Variants in COL11A1 observed in about 807,000 individuals in gnomAD.
COL11A1 encodes the protein collagen alpha-1(XI) chain.
A neutral mutation model predicts 265.2 loss-of-function variants in COL11A1; 74 were observed. That is an observed-to-expected ratio of 0.28 (90% CI 0.23 to 0.34). The LOEUF (loss-of-function observed/expected upper bound fraction) is 0.34. COL11A1 is among the 10% of genes least tolerant of loss of function. The pLI, the probability that COL11A1 is intolerant of heterozygous loss-of-function variation, is 1.00. For synonymous variants in COL11A1, 816 were observed against 727.6 expected (o/e 1.12, Z -1.96); for missense variants, 2,165 against 2,263.6 (o/e 0.96, Z 0.88).
chr1:103,061,881 A>G (rs1284499137), intron 4 of COL11A1, among the ~76,000 whole-genome samples: 5 of 152,000 alleles, frequency 3.3e-5, no homozygotes, highest in Non-Finnish European at 1.5e-5. Flanking sequence ...AAGTCACCAT[A>G]GAATTAGCAT....
chr1:102,939,361 G>A (rs575529898), intron 43 of COL11A1, among the ~76,000 whole-genome samples: 6 of 152,122 alleles, frequency 3.9e-5, no homozygotes, highest in Admixed American at 3.9e-4. Context: ...GTATAAACTG[G>A]TAACGGAAAT....
intron 42 of COL11A1, among the ~76,000 whole-genome samples, chr1:102,942,493 G>A (rs1032519722): frequency 6.6e-6 from 1 of 152,012 alleles, no homozygotes; most frequent in Admixed American, 6.6e-5. Context: ...CCCACAATCT[G>A]CACAACTACT....
chr1:103,050,881 G>T (rs542918133), intron 4 of COL11A1, among the ~76,000 whole-genome samples: 1 of 152,296 alleles, frequency 6.6e-6, no homozygotes, highest in Admixed American at 6.5e-5. Flanking sequence ...GACACTGTTT[G>T]CCTGGGTATC....
intron 31 of COL11A1, among the ~76,000 whole-genome samples, chr1:102,983,110 A>G (rs969833966): frequency 6.6e-6 from 1 of 152,114 alleles, no homozygotes; most frequent in Non-Finnish European, 1.5e-5. Flanking sequence ...TACTGAATGC[A>G]TCAAGTGCAT....
intron 22 of COL11A1, 74 bp downstream of exon 22, chr1:103,002,673 G>T: frequency 7.5e-7 from 1 of 1,328,178 alleles, no homozygotes. Context: ...TTATATTTTA[G>T]ATTTAACAAC....
At chr1:102,936,073 C>T (rs1658108223) in intron 44 of COL11A1, among the ~76,000 whole-genome samples, 1 of 152,048 alleles carries the variant, frequency 6.6e-6, no homozygotes, top group African/African-American at 2.4e-5. Context: ...ACAAAAATGG[C>T]TGTTCCATCT....
chr1:103,008,517 CT>C lies in COL11A1; in HGVS notation c.1630-2del, dbSNP rs1057517989. ...TGGCCCCAGATGAACCAGGCCCCCCCTATAGAGAAAAAGTGAAGATATTTCA... is the reference window on the plus strand; with the variant it reads ...TGGCCCCAGATGAACCAGGCCCCCCCATAGAGAAAAAGTGAAGATATTTCA... On this transcript the variant is annotated splice_acceptor_variant, in intron 14 of 66. Transcript: ENST00000370096. LOFTEE classifies it high-confidence loss of function. 1 of 1,613,576 alleles carries C rather than the reference CT, an allele frequency of 6.2e-7. No homozygotes were observed. Among genetic ancestry groups the C allele is most frequent in the Non-Finnish European group, 8.5e-7 (1 of 1,179,646 alleles).
At chr1:102,885,441 C>A (rs1459835794) in intron 63 of COL11A1, among the ~76,000 whole-genome samples, 1 of 152,054 alleles carries the variant, frequency 6.6e-6, no homozygotes, top group African/African-American at 2.4e-5. Context: ...AATTGCTTAT[C>A]TTGGTGCTGG....
At chr1:103,088,859 C>A (rs1673084136) in intron 1 of COL11A1, among the ~76,000 whole-genome samples, 1 of 152,152 alleles carries the variant, frequency 6.6e-6, no homozygotes, top group South Asian at 2.1e-4. Context: ...ATTTAGCTCT[C>A]CAGATTATCC....
chr1:102,968,933 G>A (rs1661694047), intron 37 of COL11A1, among the ~76,000 whole-genome samples: 1 of 152,108 alleles, frequency 6.6e-6, no homozygotes, highest in South Asian at 2.1e-4. Context: ...TTCCCCACAA[G>A]ACATTTTGGA....
At chr1:103,044,935 G>A (rs1211705723) in intron 4 of COL11A1, among the ~76,000 whole-genome samples, 1 of 152,062 alleles carries the variant, frequency 6.6e-6, no homozygotes, top group Non-Finnish European at 1.5e-5. Context: ...CTATTATAAA[G>A]TGCAATCATG....
chr1:103,015,833 C>T (rs1308721656), intron 11 of COL11A1, 91 bp from the exon 12 acceptor site: 4 of 981,128 alleles, frequency 4.1e-6, no homozygotes, highest in Non-Finnish European at 6.1e-6. Context: ...TCTACTTTAT[C>T]TAATTTGCAT....
chr1:103,098,070 TA>T (rs1161359372), intron 1 of COL11A1, among the ~76,000 whole-genome samples: 4 of 151,830 alleles, frequency 2.6e-5, no homozygotes, highest in East Asian at 3.9e-4. Context: ...CCAAGGCTGT[TA>T]AAAAAAAGAT....
chr1:102,994,771 T>C (rs1370392362), intron 28 of COL11A1, among the ~76,000 whole-genome samples: 4 of 152,104 alleles, frequency 2.6e-5, no homozygotes, highest in South Asian at 2.1e-4. Flanking sequence ...ATTCTGAGTG[T>C]ATTAGTCCGC....
chr1:103,014,432 G>C (rs1240696849), intron 13 of COL11A1, 79 bp downstream of exon 13: 1 of 1,122,146 alleles, frequency 8.9e-7, no homozygotes, highest in African/African-American at 1.5e-5. Flanking sequence ...AATAATGGTA[G>C]CATCTTCCGT....
intron 24 of COL11A1, among the ~76,000 whole-genome samples, chr1:102,998,834 T>C (rs770039892): frequency 2.0e-5 from 3 of 151,976 alleles, no homozygotes; most frequent in Non-Finnish European, 2.9e-5. Flanking sequence ...ATGATAGTTA[T>C]TCATAGGAAA....
At chr1:102,967,433 G>T (rs889131545) in intron 37 of COL11A1, among the ~76,000 whole-genome samples, 2 of 151,312 alleles carry the variant, frequency 1.3e-5, no homozygotes, top group Non-Finnish European at 2.9e-5. Context: ...GTAGAGACGG[G>T]GTTTCACCGT....
At chr1:102,945,701 AAGAG>A (rs1330178869) in intron 42 of COL11A1, among the ~76,000 whole-genome samples, 4 of 152,164 alleles carry the variant, frequency 2.6e-5, no homozygotes, top group Admixed American at 6.6e-5. Context: ...ATCTTGTAGG[AAGAG>A]AGAATCATTT....
At chr1:103,020,795 G>T (rs1666984493) in intron 9 of COL11A1, among the ~76,000 whole-genome samples, 2 of 132,066 alleles carry the variant, frequency 1.5e-5, no homozygotes, top group South Asian at 2.6e-4. Flanking sequence ...TCCAGTTTCA[G>T]CTTTCTATAT....
Sources: allele counts gnomAD v4.1 joint callset (sites outside exome capture counted in the v4.1 genomes callset), GRCh38; gene constraint gnomAD v4.1.1; transcripts MANE v1.5; gene names NCBI Gene and HGNC (gene_info 2026-07-23, HGNC 2026-07-21).